Variants in GRXCR1 observed in about 807,000 individuals in gnomAD.
GRXCR1 encodes the protein glutaredoxin domain-containing cysteine-rich protein 1.
Under a neutral mutation model 27.3 loss-of-function variants are expected in GRXCR1, and 27 were observed. The observed-to-expected ratio is 0.99, with a 90% CI of 0.73 to 1.37. GRXCR1 has a LOEUF of 1.37. Ranked by LOEUF, GRXCR1 falls within the 40% of genes most tolerant of loss-of-function variation. The pLI is 0.00. For synonymous variants in GRXCR1, 122 were observed against 131.1 expected, an observed-to-expected ratio of 0.93 and a Z score of 0.47; for missense variants, 379 against 354.4, an observed-to-expected ratio of 1.07 and a Z score of -0.56.
chr4:43,022,545 T>C (rs982083951), intron 3 of GRXCR1, among the ~76,000 whole-genome samples: 1 of 152,252 alleles, frequency 6.6e-6, no homozygotes, highest in Admixed American at 6.5e-5. Context: ...TGGTATGGCA[T>C]TGGCTTTCTA....
At chr4:43,025,842 G>A (rs1350484162) in intron 3 of GRXCR1, among the ~76,000 whole-genome samples, 1 of 152,154 alleles carries the variant, frequency 6.6e-6, no homozygotes, top group African/African-American at 2.4e-5. Flanking sequence ...CGGGCAGGGT[G>A]GTGGGCGCCT....
chr4:42,995,157 A>C (rs982504851), intron 2 of GRXCR1, among the ~76,000 whole-genome samples: 1 of 152,170 alleles, frequency 6.6e-6, no homozygotes, highest in Non-Finnish European at 1.5e-5. Flanking sequence ...ATTTGTTAAG[A>C]TATTTCCCTC....
At chr4:42,935,857 A>T (rs1170886423) in intron 1 of GRXCR1, among the ~76,000 whole-genome samples, 2 of 151,908 alleles carry the variant, frequency 1.3e-5, no homozygotes, top group African/African-American at 4.8e-5. Flanking sequence ...TTGTACAATG[A>T]CCATACGAAG....
chr4:42,975,562 A>G (rs925100494), intron 2 of GRXCR1, among the ~76,000 whole-genome samples: 1 of 152,106 alleles, frequency 6.6e-6, no homozygotes, highest in African/African-American at 2.4e-5. Flanking sequence ...CTCTTCCAGC[A>G]TATGTAATTA....
In GRXCR1 at chr4:42,905,969, G is replaced by A. The variant is rs374388946; in HGVS notation, c.384+12319G>A. On this transcript the variant is annotated intron_variant, in intron 1 of 3. Transcript: ENST00000399770. ...TATTAATTTTTCTTGTATGTAATTT[G>A]GCTCACATTGGGTCATGCTTCTGAA... Among the ~76,000 whole-genome samples, 6 of 152,218 alleles carry A rather than the reference G, an allele frequency of 3.9e-5. No homozygotes were observed. The East Asian group carries it at 5.8e-4, about 15-fold the overall frequency.
chr4:42,900,453 C>A (rs1051278122), intron 1 of GRXCR1, among the ~76,000 whole-genome samples: 1 of 152,020 alleles, frequency 6.6e-6, no homozygotes, highest in African/African-American at 2.4e-5. Context: ...TAGGAGTATT[C>A]CCTTTTTTTG....
chr4:43,026,040 G>C (rs966551838), intron 3 of GRXCR1, among the ~76,000 whole-genome samples: 1 of 133,890 alleles, frequency 7.5e-6, no homozygotes, highest in Non-Finnish European at 1.6e-5. Flanking sequence ...AATGAAGCCT[G>C]TTTTGTTACT....
chr4:42,900,012 C>G (rs924070164), intron 1 of GRXCR1, among the ~76,000 whole-genome samples: 5 of 152,128 alleles, frequency 3.3e-5, no homozygotes, highest in African/African-American at 1.2e-4. Flanking sequence ...CCTAATGTTT[C>G]TAAAACTTAA....
At chr4:43,001,191 T>C (rs1401647398) in intron 2 of GRXCR1, among the ~76,000 whole-genome samples, 7 of 151,900 alleles carry the variant, frequency 4.6e-5, no homozygotes, top group East Asian at 1.9e-4. Flanking sequence ...TGTCCATTTT[T>C]CCCCCCGGTG....
At chr4:42,913,799 G>T (rs1746820403) in intron 1 of GRXCR1, among the ~76,000 whole-genome samples, 1 of 152,112 alleles carries the variant, frequency 6.6e-6, no homozygotes, top group Non-Finnish European at 1.5e-5. Context: ...CTGAGCCCAG[G>T]GCCCCCGCTT....
At chr4:42,962,788 T>A (rs1456335768) in intron 1 of GRXCR1, 104 bp from the exon 2 acceptor site, 1 of 1,284,126 alleles carries the variant, frequency 7.8e-7, no homozygotes, top group Non-Finnish European at 1.1e-6. Context: ...ATGTGTTCAT[T>A]CAATTTTATT....
chr4:42,948,864 C>A (rs899775033), intron 1 of GRXCR1, among the ~76,000 whole-genome samples: 1 of 152,092 alleles, frequency 6.6e-6, no homozygotes, highest in Admixed American at 6.5e-5. Flanking sequence ...AAAGGCAAGA[C>A]AAGGAATTCT....
At chr4:42,969,386 A>C (rs1279397752) in intron 2 of GRXCR1, among the ~76,000 whole-genome samples, 1 of 152,136 alleles carries the variant, frequency 6.6e-6, no homozygotes, top group African/African-American at 2.4e-5. Context: ...AAAGAGGTTT[A>C]ATTGACTCAC....
chr4:42,932,823 C>T (rs1747361516), intron 1 of GRXCR1, among the ~76,000 whole-genome samples: 1 of 151,446 alleles, frequency 6.6e-6, no homozygotes, highest in African/African-American at 2.4e-5. Context: ...AGGTTAAGTG[C>T]TCCTGAGTTT....
intron 2 of GRXCR1, among the ~76,000 whole-genome samples, chr4:42,973,924 G>T (rs1017689749): frequency 2.6e-5 from 4 of 152,070 alleles, no homozygotes; most frequent in Non-Finnish European, 4.4e-5. Flanking sequence ...TATTACTAAG[G>T]CTAGAGCATG....
At chr4:42,912,854 G>A (rs1478734111) in intron 1 of GRXCR1, among the ~76,000 whole-genome samples, 1 of 152,090 alleles carries the variant, frequency 6.6e-6, no homozygotes, top group Non-Finnish European at 1.5e-5. Flanking sequence ...TCAAGGGTGG[G>A]ACACATGTAG....
At chr4:43,014,582 T>C (rs1398990491) in intron 2 of GRXCR1, among the ~76,000 whole-genome samples, 3 of 152,172 alleles carry the variant, frequency 2.0e-5, no homozygotes, top group Admixed American at 1.3e-4. Context: ...TGCTCTTCAG[T>C]TCCCATTAAA....
intron 1 of GRXCR1, among the ~76,000 whole-genome samples, chr4:42,953,259 G>A (rs909573365): frequency 2.6e-5 from 4 of 152,094 alleles, no homozygotes; most frequent in African/African-American, 7.2e-5. Context: ...CTCTCCCCTT[G>A]AATCTGTGTG....
intron 1 of GRXCR1, among the ~76,000 whole-genome samples, chr4:42,938,607 CA>C: frequency 6.6e-6 from 1 of 151,992 alleles, no homozygotes; most frequent in South Asian, 2.1e-4. Context: ...AGATTTTCCC[CA>C]TATATTCTTG....
Sources: allele counts gnomAD v4.1 joint callset (sites outside exome capture counted in the v4.1 genomes callset), GRCh38; gene constraint gnomAD v4.1.1; transcripts MANE v1.5; gene names NCBI Gene and HGNC (gene_info 2026-07-23, HGNC 2026-07-21).